Variants in ENTREP2 observed in about 807,000 individuals in gnomAD.
ENTREP2 encodes endosomal transmembrane epsin interactor 2.
the ENTREP2 span, among the ~76,000 whole-genome samples, chr15:29,231,885 C>CTTTTTT: frequency 6.2e-3 from 802 of 129,760 alleles, 58 homozygotes; most frequent in Non-Finnish European, 7.6e-3. Flanking sequence ...GTTTTCTTTT[C>CTTTTTT]TTTTCTTTCT....
At chr15:29,528,357 G>A in the ENTREP2 span, among the ~76,000 whole-genome samples, 9 of 151,052 alleles carry the variant, frequency 6.0e-5, no homozygotes, top group South Asian at 8.4e-4. Flanking sequence ...AAAAAAAATA[G>A]GATGAGTTGG....
the ENTREP2 span, among the ~76,000 whole-genome samples, chr15:29,634,249 C>A: frequency 6.6e-6 from 1 of 152,108 alleles, no homozygotes; most frequent in Non-Finnish European, 1.5e-5. Context: ...CATGTCTTTA[C>A]CCCACTTGCC....
chr15:29,514,422 T>C, the ENTREP2 span, among the ~76,000 whole-genome samples: 3 of 152,238 alleles, frequency 2.0e-5, no homozygotes, highest in Non-Finnish European at 4.4e-5. Context: ...TCTTCCACTG[T>C]GTATACAGAC....
chr15:29,657,173 G>C, the ENTREP2 span, among the ~76,000 whole-genome samples: 15 of 151,698 alleles, frequency 9.9e-5, no homozygotes, highest in Non-Finnish European at 2.2e-4. Context: ...TCCTCCTCCT[G>C]AGCAGCTGGG....
the ENTREP2 span, among the ~76,000 whole-genome samples, chr15:29,583,954 C>T: frequency 6.6e-6 from 1 of 152,094 alleles, no homozygotes; most frequent in Non-Finnish European, 1.5e-5. Flanking sequence ...TATAGGTGTA[C>T]ATGTACTTGA....
chr15:29,342,561 C>T, the ENTREP2 span, among the ~76,000 whole-genome samples: 1 of 152,088 alleles, frequency 6.6e-6, no homozygotes, highest in African/African-American at 2.4e-5. Context: ...AAAAATTATC[C>T]TCCTGGGGCT....
the ENTREP2 span, among the ~76,000 whole-genome samples, chr15:29,175,587 G>A: frequency 6.6e-6 from 1 of 152,116 alleles, no homozygotes; most frequent in African/African-American, 2.4e-5. Context: ...GGACAGGAAC[G>A]CTGATGTTTG....
chr15:29,279,139 G>A, the ENTREP2 span, among the ~76,000 whole-genome samples: 1 of 152,180 alleles, frequency 6.6e-6, no homozygotes, highest in Non-Finnish European at 1.5e-5. Flanking sequence ...CAGTAAGTCT[G>A]AGGTTGAGTC....
chr15:29,256,828 T>C, the ENTREP2 span, among the ~76,000 whole-genome samples: 1 of 152,166 alleles, frequency 6.6e-6, no homozygotes. Flanking sequence ...CATTTATTAA[T>C]AGGCAAGCAT....
At chr15:29,270,582 G>A in the ENTREP2 span, among the ~76,000 whole-genome samples, 39 of 152,258 alleles carry the variant, frequency 2.6e-4, 1 homozygote, top group Admixed American at 1.9e-3. Flanking sequence ...TTAATTTGGG[G>A]CATCACTGAT....
At chr15:29,554,015 T>A in the ENTREP2 span, among the ~76,000 whole-genome samples, 1 of 152,090 alleles carries the variant, frequency 6.6e-6, no homozygotes, top group African/African-American at 2.4e-5. Flanking sequence ...TGGAATTCCA[T>A]TTAAAAGGAA....
the ENTREP2 span, among the ~76,000 whole-genome samples, chr15:29,131,460 T>C: frequency 2.6e-5 from 4 of 151,258 alleles, no homozygotes; most frequent in Non-Finnish European, 5.9e-5. Context: ...ACTTCTACAG[T>C]TTGACATCCA....
the ENTREP2 span, chr15:29,233,680 G>T: frequency 9.4e-7 from 1 of 1,062,818 alleles, no homozygotes; most frequent in Non-Finnish European, 1.5e-6. Flanking sequence ...TGGGCATAGC[G>T]CATCTCCTGT....
chr15:29,347,564 A>G, the ENTREP2 span, among the ~76,000 whole-genome samples: 1 of 152,196 alleles, frequency 6.6e-6, no homozygotes, highest in Admixed American at 6.5e-5. Flanking sequence ...CATAGTCACA[A>G]AGAGACTTAG....
the ENTREP2 span, among the ~76,000 whole-genome samples, chr15:29,162,265 C>T: frequency 5.3e-5 from 8 of 152,204 alleles, no homozygotes; most frequent in African/African-American, 1.9e-4. Context: ...AGAAGGAAAT[C>T]TCTAGCTGAA....
At chr15:29,416,957 A>G in the ENTREP2 span, among the ~76,000 whole-genome samples, 1 of 152,222 alleles carries the variant, frequency 6.6e-6, no homozygotes, top group African/African-American at 2.4e-5. Context: ...ACCATCTCAC[A>G]CCAGTTAGGA....
the ENTREP2 span, among the ~76,000 whole-genome samples, chr15:29,293,832 G>A: frequency 6.6e-6 from 1 of 152,230 alleles, no homozygotes; most frequent in African/African-American, 2.4e-5. Flanking sequence ...ACCATGCCAA[G>A]TCCAGGTATT....
chr15:29,590,683 C>CAAAAAAAAA, the ENTREP2 span, among the ~76,000 whole-genome samples: 14 of 75,228 alleles, frequency 1.9e-4, no homozygotes, highest in African/African-American at 3.5e-4. Flanking sequence ...GACTCCGTCT[C>CAAAAAAAAA]AAAAAAAAAA....
At chr15:29,490,513 A>T in the ENTREP2 span, among the ~76,000 whole-genome samples, 1 of 152,282 alleles carries the variant, frequency 6.6e-6, no homozygotes, top group South Asian at 2.1e-4. Flanking sequence ...TCCATTTTAC[A>T]GAGAGCTGAT....
Sources: allele counts gnomAD v4.1 joint callset (sites outside exome capture counted in the v4.1 genomes callset), GRCh38; gene constraint gnomAD v4.1.1; transcripts MANE v1.5; gene names NCBI Gene and HGNC (gene_info 2026-07-23, HGNC 2026-07-21).